NLGN1: variants seen among roughly 807,000 people sequenced by gnomAD.
The protein encoded by NLGN1 is neuroligin 1, also known as neuroligin-1.
Under a neutral mutation model 65.5 loss-of-function variants are expected in NLGN1, and 12 were observed. The ratio of observed to expected loss-of-function variants is 0.18; its 90% CI spans 0.12 to 0.30. The LOEUF is 0.30. NLGN1 is among the 10% of genes least tolerant of loss of function. NLGN1 has a pLI of 1.00. For missense variants in NLGN1, 750 were observed against 1,007.1 expected, an observed-to-expected ratio of 0.74 and a Z score of 3.46; for synonymous variants, 350 against 359.5, an observed-to-expected ratio of 0.97 and a Z score of 0.30.
At chr3:173,735,935 A>T (rs2150081492) in intron 3 of NLGN1, among the ~76,000 whole-genome samples, 1 of 152,190 alleles carries the variant, frequency 6.6e-6, no homozygotes, top group South Asian at 2.1e-4. Flanking sequence ...TTATAAAAAT[A>T]TATATTTTAT....
intron 2 of NLGN1, among the ~76,000 whole-genome samples, chr3:173,452,856 C>G (rs973474205): frequency 6.6e-6 from 1 of 152,086 alleles, no homozygotes; most frequent in Non-Finnish European, 1.5e-5. Flanking sequence ...TTTTTGGTTT[C>G]CCAATACATA....
intron 3 of NLGN1, among the ~76,000 whole-genome samples, chr3:173,793,394 G>A (rs979046641): frequency 8.6e-5 from 13 of 151,994 alleles, no homozygotes; most frequent in Non-Finnish European, 1.0e-4. Context: ...AGAGACAGAG[G>A]GGGTTATACC....
chr3:174,203,192 T>C (rs536766830), intron 4 of NLGN1, among the ~76,000 whole-genome samples: 2 of 152,304 alleles, frequency 1.3e-5, no homozygotes, highest in Admixed American at 6.5e-5. Flanking sequence ...AGTTCACTGA[T>C]GCTTCAATGA....
chr3:173,753,035 C>T (rs1776525809), intron 3 of NLGN1, among the ~76,000 whole-genome samples: 1 of 152,074 alleles, frequency 6.6e-6, no homozygotes, highest in South Asian at 2.1e-4. Context: ...TGTTCAAAAA[C>T]ATTCTACCCA....
intron 2 of NLGN1, among the ~76,000 whole-genome samples, chr3:173,571,539 A>G (rs1455432780): frequency 6.6e-6 from 1 of 152,216 alleles, no homozygotes; most frequent in Non-Finnish European, 1.5e-5. Context: ...TTTTATCCAT[A>G]GTTTTCTAGA....
rs1470461690 is a variant in NLGN1, at chr3:174,105,347, G to T, written c.647-169968G>T. On this transcript the variant is annotated intron_variant, in intron 4 of 6. Transcript: ENST00000457714. ...CAGCCCAGGAGGTCAAGACTAGCCT[G>T]GGCAACATGGTTAAACCCTGTCTCT... 2.6e-5 allele frequency among the ~76,000 whole-genome samples: 4 copies of T among 151,984 alleles called. No individual in the cohort carries two copies. The South Asian group carries it at 8.3e-4, about 32-fold the overall frequency.
chr3:173,550,287 CCTCTT>C (rs1466658709), intron 2 of NLGN1, among the ~76,000 whole-genome samples: 6 of 151,876 alleles, frequency 4.0e-5, no homozygotes, highest in African/African-American at 1.2e-4. Flanking sequence ...ATAATATTAT[CCTCTT>C]CTCTTGATTA....
chr3:173,410,147 C>T (rs1294761698), intron 1 of NLGN1, among the ~76,000 whole-genome samples: 1 of 152,198 alleles, frequency 6.6e-6, no homozygotes, highest in African/African-American at 2.4e-5. Context: ...AAAAAATACA[C>T]TGAGAGTAGT....
intron 4 of NLGN1, among the ~76,000 whole-genome samples, chr3:173,865,549 G>A (rs769240354): frequency 6.6e-5 from 10 of 151,832 alleles, no homozygotes; most frequent in African/African-American, 1.4e-4. Flanking sequence ...ACAATCTTAC[G>A]GATAAAAACT....
chr3:173,905,600 G>A (rs1738225228), intron 4 of NLGN1, among the ~76,000 whole-genome samples: 1 of 152,214 alleles, frequency 6.6e-6, no homozygotes, highest in African/African-American at 2.4e-5. Context: ...GGATCTGGCT[G>A]TGAGTTATAT....
At position 173,837,886 on chromosome 3, in the gene NLGN1, A is replaced by G. The variant is rs1327784307; in HGVS notation, c.646+30054A>G. The stretch of plus-strand genomic sequence containing the variant: ...TCTGGTGGGAACAGGTGGAGACTGT[A>G]TGCAGTTCTAGAGAATCAGTATTAC... On this transcript the variant is annotated intron_variant, in intron 4 of 6. Transcript: ENST00000457714. Among the ~76,000 whole-genome samples the G allele has an allele frequency of 4.6e-5, 7 of 152,332 alleles. No individual in the cohort carries two copies. The East Asian group carries it at 1.4e-3, about 29-fold the overall frequency.
rs149509268 is a variant in NLGN1 at position 173,811,457 on chromosome 3, G to A, written c.646+3625G>A. On this transcript the variant is annotated intron_variant, in intron 4 of 6. Transcript: ENST00000457714. The stretch of plus-strand genomic sequence containing the variant: ...TGGGTGCCTGTAATCACAGCTACTC[G>A]GGAGCCTGAGGCAGGAGAAGCATCA... 2.3e-3 allele frequency among the ~76,000 whole-genome samples: 343 copies of A among 151,574 alleles called. 6 individuals carry two copies. Among genetic ancestry groups the A allele is most frequent in the Admixed American group, 0.018 (268 of 15,202 alleles).
intron 1 of NLGN1, among the ~76,000 whole-genome samples, chr3:173,404,883 C>T (rs77245942): frequency 0.024 from 3,654 of 152,146 alleles, 129 homozygotes; most frequent in African/African-American, 0.079. Flanking sequence ...GCATTTTATT[C>T]ACACTGTGGA....
chr3:173,873,625 G>T (rs924477749), intron 4 of NLGN1, among the ~76,000 whole-genome samples: 1 of 152,076 alleles, frequency 6.6e-6, no homozygotes, highest in African/African-American at 2.4e-5. Context: ...GTAGAAGATG[G>T]TTTATGCATT....
At chr3:174,041,646 T>C (rs1471068956) in intron 4 of NLGN1, among the ~76,000 whole-genome samples, 1 of 152,142 alleles carries the variant, frequency 6.6e-6, no homozygotes, top group African/African-American at 2.4e-5. Flanking sequence ...TCTGGTGGGG[T>C]TTGGAGTGGT....
chr3:173,971,688 C>T (rs897429611), intron 4 of NLGN1, among the ~76,000 whole-genome samples: 8 of 151,940 alleles, frequency 5.3e-5, no homozygotes, highest in South Asian at 2.1e-4. Context: ...TGGGCTTCCT[C>T]GGGACCATTA....
chr3:174,034,044 A>C (rs901650402), intron 4 of NLGN1, among the ~76,000 whole-genome samples: 4 of 152,104 alleles, frequency 2.6e-5, no homozygotes, highest in African/African-American at 9.7e-5. Flanking sequence ...CCAAAGATAA[A>C]GACAAAATCT....
chr3:173,667,239 G>GCATACACACACACA (rs1553794603), intron 3 of NLGN1, among the ~76,000 whole-genome samples: 1 of 147,328 alleles, frequency 6.8e-6, no homozygotes, highest in African/African-American at 2.5e-5. Context: ...ACACGCATAT[G>GCATACACACACACA]CACACACACA....
intron 2 of NLGN1, among the ~76,000 whole-genome samples, chr3:173,455,431 T>C (rs1029442376): frequency 1.3e-5 from 2 of 152,146 alleles, no homozygotes; most frequent in Admixed American, 1.3e-4. Flanking sequence ...ACATTTGAGG[T>C]TACATTTCAA....
Sources: allele counts gnomAD v4.1 joint callset (sites outside exome capture counted in the v4.1 genomes callset), GRCh38; gene constraint gnomAD v4.1.1; transcripts MANE v1.5; gene names NCBI Gene and HGNC (gene_info 2026-07-23, HGNC 2026-07-21).